Variants in STRN observed in about 807,000 individuals in gnomAD.
The protein encoded by STRN is striatin, also known as protein phosphatase 2 regulatory subunit B'''alpha.
STRN carries 53 observed loss-of-function variants against 96.3 expected under a neutral mutation model. The ratio of observed to expected loss-of-function variants is 0.55; its 90% CI spans 0.44 to 0.69. The LOEUF (loss-of-function observed/expected upper bound fraction) is 0.69. STRN is among the 30% of genes least tolerant of loss of function. STRN has a pLI of 0.00. For missense variants in STRN, 987 were observed against 963.9 expected, an observed-to-expected ratio of 1.02 and a Z score of -0.32; for synonymous variants, 428 against 355.9, an observed-to-expected ratio of 1.20 and a Z score of -2.28.
intron 1 of STRN, among the ~76,000 whole-genome samples, chr2:36,958,858 C>A (rs1664960174): frequency 1.3e-5 from 2 of 152,306 alleles, no homozygotes; most frequent in South Asian, 4.1e-4. Flanking sequence ...TGGTAGCTCA[C>A]GCCTCTAATC....
intron 3 of STRN, among the ~76,000 whole-genome samples, chr2:36,912,891 C>G (rs1288624533): frequency 1.3e-5 from 2 of 152,204 alleles, no homozygotes; most frequent in Non-Finnish European, 2.9e-5. Flanking sequence ...TCTGACTCAT[C>G]CTTTTTTCAC....
chr2:36,888,886 G>C (rs1485416225), intron 7 of STRN, among the ~76,000 whole-genome samples: 1 of 151,854 alleles, frequency 6.6e-6, no homozygotes, highest in Non-Finnish European at 1.5e-5. Context: ...GTCTCACTAT[G>C]TTGCCCAGGC....
chr2:36,900,179 G>T (rs1345946538), intron 5 of STRN, among the ~76,000 whole-genome samples: 3 of 152,154 alleles, frequency 2.0e-5, no homozygotes, highest in African/African-American at 4.8e-5. Context: ...ATAGGCGTGA[G>T]CCACTCGTAT....
At chr2:36,914,753 G>C (rs1670046899) in intron 3 of STRN, among the ~76,000 whole-genome samples, 1 of 152,120 alleles carries the variant, frequency 6.6e-6, no homozygotes, top group South Asian at 2.1e-4. Context: ...GAAAGACCTG[G>C]GTTCAGCTCC....
chr2:36,906,452 C>T (rs893486841), intron 3 of STRN, among the ~76,000 whole-genome samples: 1 of 119,620 alleles, frequency 8.4e-6, no homozygotes, highest in Non-Finnish European at 1.9e-5. Flanking sequence ...GAGGGAGGCT[C>T]TGTCTCAAAA....
At chr2:36,914,840 T>G (rs1670048535) in intron 3 of STRN, among the ~76,000 whole-genome samples, 1 of 152,176 alleles carries the variant, frequency 6.6e-6, no homozygotes, top group African/African-American at 2.4e-5. Context: ...TTCACATATG[T>G]AAAATCCAAA....
chr2:36,850,770 A>G (rs1388494256), intron 16 of STRN, among the ~76,000 whole-genome samples: 1 of 152,158 alleles, frequency 6.6e-6, no homozygotes, highest in Non-Finnish European at 1.5e-5. Context: ...TAAAGCCTAC[A>G]TATAGCATCT....
intron 5 of STRN, among the ~76,000 whole-genome samples, 174 bp downstream of exon 5, chr2:36,902,410 G>A (rs1025527586): frequency 4.6e-5 from 7 of 152,036 alleles, no homozygotes; most frequent in Admixed American, 6.6e-5. Flanking sequence ...AATTAAAATA[G>A]TCATAAATAA....
intron 10 of STRN, among the ~76,000 whole-genome samples, chr2:36,877,474 C>G (rs763961290): frequency 2.6e-5 from 4 of 152,152 alleles, no homozygotes; most frequent in Non-Finnish European, 5.9e-5. Context: ...AAAACTGAAC[C>G]AAGTTCTACA....
chr2:36,868,103 A>C (rs1177806900), intron 11 of STRN, among the ~76,000 whole-genome samples: 1 of 152,224 alleles, frequency 6.6e-6, no homozygotes, highest in Non-Finnish European at 1.5e-5. Context: ...TATTTGACTA[A>C]AGGGAAAGAC....
At chr2:36,905,412 A>G (rs895132292) in intron 4 of STRN, 128 bp downstream of exon 4, 2 of 789,042 alleles carry the variant, frequency 2.5e-6, no homozygotes, top group South Asian at 1.8e-5. Flanking sequence ...CAGTAATTCA[A>G]TTAAGCTTTT....
intron 8 of STRN, among the ~76,000 whole-genome samples, chr2:36,885,404 T>C (rs1669193165): frequency 6.6e-6 from 1 of 152,178 alleles, no homozygotes; most frequent in Admixed American, 6.5e-5. Context: ...TAACTGGTTT[T>C]TTGTCATGAC....
In STRN at chr2:36,855,319, C is replaced by G; in HGVS notation, c.1871G>C (p.Ser624Thr). 1.2e-6 allele frequency: 2 copies of G among 1,613,744 alleles called. No individual in the cohort carries two copies. Among genetic ancestry groups the G allele is most frequent in the Non-Finnish European group, 1.7e-6 (2 of 1,179,784 alleles). The change falls in exon 15 of 18, where the codon AGC becomes ACC. Residue 624 changes from serine (S) to threonine (T), a missense_variant. Transcript: ENST00000263918. The part of the protein sequence containing the change: ...LGIPASVDLV[S>T]SDPSHMVASF... ...TGCTACCATATGGCTCGGGTCACTG[C>G]TCACTAGATCCACAGAGGCAGGGAT...
At chr2:36,921,769 T>C (rs902771682) in intron 2 of STRN, among the ~76,000 whole-genome samples, 15 of 152,236 alleles carry the variant, frequency 9.9e-5, no homozygotes, top group African/African-American at 3.4e-4. Flanking sequence ...ACAATCTTTC[T>C]GCCTGTGTTT....
chr2:36,887,644 T>C (rs1669276119), intron 7 of STRN, among the ~76,000 whole-genome samples: 1 of 152,196 alleles, frequency 6.6e-6, no homozygotes, highest in Admixed American at 6.5e-5. Flanking sequence ...ATGTGTTCAT[T>C]AGTAAGTGAT....
chr2:36,881,498 C>A (rs1264209940), intron 9 of STRN, among the ~76,000 whole-genome samples: 1 of 152,180 alleles, frequency 6.6e-6, no homozygotes, highest in Non-Finnish European at 1.5e-5. Context: ...AGCATATGAA[C>A]ATTCTTTCTG....
intron 14 of STRN, 62 bp downstream of exon 14, chr2:36,857,794 C>T (rs1048642430): frequency 5.1e-6 from 7 of 1,367,346 alleles, no homozygotes; most frequent in Admixed American, 2.2e-5. Context: ...TATCTGCTTG[C>T]TTATTTTCAG....
intron 1 of STRN, among the ~76,000 whole-genome samples, chr2:36,947,469 T>A (rs1246885497): frequency 6.6e-6 from 1 of 151,206 alleles, no homozygotes; most frequent in Non-Finnish European, 1.5e-5. Context: ...GTATATTAAA[T>A]CTTAACCTAC....
At position 36,867,858 on chromosome 2, in the gene STRN, G is replaced by A. The variant is rs770365577; in HGVS notation, c.1503C>T (p.Ser501=). Residue 501 remains serine, a synonymous_variant, in exon 12 of 18, where the codon AGC becomes AGT. Transcript: ENST00000263918. ...NLQKTAPAKK[S]TSLDVEPIYT... ...AGATAGGTTCTACATCAAGAGAAGT[G>A]CTCCTAAATCAGAGAGAGATGACTT... The A allele has an allele frequency of 1.9e-6, 3 of 1,591,376 alleles. No homozygotes were observed. The highest frequency in any genetic ancestry group is 1.8e-5 in the Admixed American group (1 of 56,192).
Sources: allele counts gnomAD v4.1 joint callset (sites outside exome capture counted in the v4.1 genomes callset), GRCh38; gene constraint gnomAD v4.1.1; transcripts MANE v1.5; gene names NCBI Gene and HGNC (gene_info 2026-07-23, HGNC 2026-07-21).